ST13: variants seen among roughly 807,000 people sequenced by gnomAD.
The protein encoded by ST13 is ST13 Hsp70 interacting protein.
Under a neutral mutation model 56.7 loss-of-function variants are expected in ST13, and 23 were observed. The ratio of observed to expected loss-of-function variants is 0.41; its 90% CI spans 0.29 to 0.57. The LOEUF is 0.57. Among genes scored for constraint, ST13 ranks in the 20% least tolerant of loss-of-function variants. The probability of loss-of-function intolerance (pLI) is 0.36; values close to 1 mark genes in which losing one functional copy is unlikely to be tolerated. For missense variants in ST13, 369 were observed against 459.9 expected (o/e 0.80, Z 1.81); for synonymous variants, 132 against 142.4 (o/e 0.93, Z 0.52).
Position 40,825,799 on chromosome 22 carries a change from G to C in ST13, c.*739C>G, listed in dbSNP as rs949551050. 2.6e-5 allele frequency: 4 copies of C among 152,226 alleles called. No homozygotes were observed. Among genetic ancestry groups the C allele is most frequent in the Admixed American group, 6.6e-5 (1 of 15,266 alleles). The allele number at this position is 152,226 out of a possible 1,614,324, so 9.4% of individuals were successfully genotyped here. A position where few individuals can be genotyped will look rare whatever the true frequency, so the allele number is the denominator to read the frequency against. Reference sequence around the variant, plus strand: ...AGTACTACCTTATTTCCCTTACGTGGAAATAATATGAAAAACACTTATTAG... The same window carrying C: ...AGTACTACCTTATTTCCCTTACGTGCAAATAATATGAAAAACACTTATTAG... On this transcript the variant is annotated 3_prime_UTR_variant, in exon 12 of 12. Transcript: ENST00000216218.
At chr22:40,832,726 G>T in intron 7 of ST13, 55 bp from the exon 8 acceptor site, 2 of 1,277,650 alleles carry the variant, frequency 1.6e-6, no homozygotes, top group Non-Finnish European at 2.2e-6. Flanking sequence ...CACCTATGTG[G>T]CATGATATCT....
At chr22:40,833,197 T>G (rs1197053588) in intron 7 of ST13, among the ~76,000 whole-genome samples, 1 of 152,164 alleles carries the variant, frequency 6.6e-6, no homozygotes, top group African/African-American at 2.4e-5. Context: ...TTCGAACATT[T>G]AAATGCTTTA....
chr22:40,827,253 CT>C (rs762752455), intron 10 of ST13, 24 bp from the exon 11 acceptor site: 1 of 1,611,672 alleles, frequency 6.2e-7, no homozygotes, highest in South Asian at 1.1e-5. Flanking sequence ...TGAATAGACA[CT>C]AATCATACTC....
At chr22:40,850,116 G>A (rs1301019134) in intron 2 of ST13, among the ~76,000 whole-genome samples, 1 of 152,130 alleles carries the variant, frequency 6.6e-6, no homozygotes, top group Non-Finnish European at 1.5e-5. Context: ...AAATTAGCCA[G>A]GCATGGTGGG....
intron 11 of ST13, 40 bp from the exon 12 acceptor site, chr22:40,826,706 A>T (rs757359090): frequency 2.2e-5 from 35 of 1,602,018 alleles, no homozygotes; most frequent in Non-Finnish European, 2.8e-5. Context: ...AAAGTGTCCT[A>T]CTGGGTCAGT....
chr22:40,827,108 A>G lies in ST13; in HGVS notation c.969T>C (p.Leu323=), dbSNP rs770422972. The G allele has an allele frequency of 6.2e-7, 1 of 1,611,824 alleles. No individual in the cohort carries two copies. Among genetic ancestry groups the G allele is most frequent in the African/African-American group, 1.3e-5 (1 of 74,882 alleles). ...TTCCAAGTCTTACCTGCATGGCTGC[A>G]AGAACCTCTGGATCACTAAGAATTT... ...LNEILSDPEV[L]AAMQDPEVMV... Residue 323 remains leucine, a synonymous_variant, in exon 11 of 12, where the codon CTT becomes CTC. Transcript: ENST00000216218.
chr22:40,839,257 T>C (rs1602655439), intron 5 of ST13, among the ~76,000 whole-genome samples: 1 of 152,198 alleles, frequency 6.6e-6, no homozygotes, highest in African/African-American at 2.4e-5. Context: ...GGAACATCAA[T>C]ACTGAACTCA....
chr22:40,835,521 T>C (rs774984178), intron 7 of ST13, 39 bp downstream of exon 7: 13 of 1,515,652 alleles, frequency 8.6e-6, no homozygotes, highest in Non-Finnish European at 7.3e-6. Context: ...CAGATTTAAA[T>C]GTAAAGAGTT....
At chr22:40,849,851 G>A (rs1490771570) in intron 2 of ST13, among the ~76,000 whole-genome samples, 1 of 145,640 alleles carries the variant, frequency 6.9e-6, no homozygotes, top group Non-Finnish European at 1.5e-5. Context: ...CAATGTTTAA[G>A]TTTCTAAATA....
chr22:40,853,022 A>G (rs1420583477), intron 1 of ST13, among the ~76,000 whole-genome samples: 11 of 152,214 alleles, frequency 7.2e-5, no homozygotes, highest in Non-Finnish European at 1.5e-5. Flanking sequence ...AGGCCAGACA[A>G]ACCCAAATTG....
chr22:40,849,020 T>C (rs1358165768), intron 2 of ST13, among the ~76,000 whole-genome samples: 1 of 152,232 alleles, frequency 6.6e-6, no homozygotes. Flanking sequence ...GTATATCCCA[T>C]TGCAGGATAG....
chr22:40,844,708 C>A (rs2057822076), intron 4 of ST13, 131 bp downstream of exon 4: 1 of 679,860 alleles, frequency 1.5e-6, no homozygotes. Flanking sequence ...ACAATGCTTG[C>A]CTAAAACGCC....
chr22:40,850,045 G>C (rs938141091), intron 2 of ST13, among the ~76,000 whole-genome samples: 1 of 152,116 alleles, frequency 6.6e-6, no homozygotes, highest in Admixed American at 6.5e-5. Context: ...ATCAGTTGAG[G>C]TCAGGAGTTC....
chr22:40,846,397 T>C (rs1446342050), intron 3 of ST13, among the ~76,000 whole-genome samples: 1 of 152,218 alleles, frequency 6.6e-6, no homozygotes, highest in Non-Finnish European at 1.5e-5. Flanking sequence ...TACAGTATTA[T>C]AGTCATGCTG....
intron 1 of ST13, among the ~76,000 whole-genome samples, chr22:40,855,752 A>G (rs1477165880): frequency 6.6e-6 from 1 of 152,214 alleles, no homozygotes; most frequent in East Asian, 1.9e-4. Context: ...ATGCCTTGTC[A>G]ATTAACTCCT....
Position 40,832,521 on chromosome 22 carries a change from C to T in ST13, c.681+48G>A, listed in dbSNP as rs117979960. ...AGCTGTCGGGGGCTAAGCACTACAG[C>T]GATGGAGTATTTAACTAATGACTTT... is the stretch of plus-strand genomic sequence containing the variant. On this transcript the variant is annotated intron_variant, in intron 8 of 11. Transcript: ENST00000216218. 8.3e-5 allele frequency: 114 copies of T among 1,370,096 alleles called. 1 individual carries two copies. The East Asian group carries it at 2.5e-3, about 30-fold the overall frequency. 84.9% of individuals were successfully genotyped at this position (1,370,096 alleles called of 1,614,324 possible). A position where few individuals can be genotyped will look rare whatever the true frequency, so the allele number is the denominator to read the frequency against.
At chr22:40,854,786 T>C (rs548354449) in intron 1 of ST13, among the ~76,000 whole-genome samples, 2 of 152,318 alleles carry the variant, frequency 1.3e-5, no homozygotes, top group East Asian at 3.9e-4. Flanking sequence ...TTCTTTCCTA[T>C]AATTAGGATA....
At chr22:40,848,423 T>G in intron 2 of ST13, 54 bp from the exon 3 acceptor site, 1 of 1,190,510 alleles carries the variant, frequency 8.4e-7, no homozygotes, top group South Asian at 1.2e-5. Flanking sequence ...TACCGAATAT[T>G]TATACTAATT....
intron 1 of ST13, among the ~76,000 whole-genome samples, chr22:40,855,525 C>T (rs992173993): frequency 6.6e-6 from 1 of 152,168 alleles, no homozygotes; most frequent in Non-Finnish European, 1.5e-5. Context: ...CTATTTATCC[C>T]TGTTTAGTGC....
Sources: allele counts gnomAD v4.1 joint callset (sites outside exome capture counted in the v4.1 genomes callset), GRCh38; gene constraint gnomAD v4.1.1; transcripts MANE v1.5; gene names NCBI Gene and HGNC (gene_info 2026-07-23, HGNC 2026-07-21).